PRELID2: variants seen among roughly 807,000 people sequenced by gnomAD.
PRELID2 encodes PRELI domain containing 2.
In PRELID2, 25 loss-of-function variants were observed where a neutral mutation model predicts 28.4. The observed-to-expected ratio is 0.88, with a 90% CI of 0.64 to 1.23. The LOEUF (loss-of-function observed/expected upper bound fraction) is 1.23. PRELID2 is among the 50% of genes most tolerant of loss of function. PRELID2 has a pLI of 0.00. For synonymous variants in PRELID2, 76 were observed against 71.6 expected, an observed-to-expected ratio of 1.06 and a Z score of -0.31; for missense variants, 201 against 214.4, an observed-to-expected ratio of 0.94 and a Z score of 0.39.
chr5:145,817,213 A>T (rs1418993622), intron 4 of PRELID2, among the ~76,000 whole-genome samples: 1 of 85,074 alleles, frequency 1.2e-5, no homozygotes, highest in Non-Finnish European at 2.8e-5. Context: ...ATAAATAAAT[A>T]AAAAAAAATA....
chr5:145,816,836 A>C (rs1424778555), intron 4 of PRELID2, among the ~76,000 whole-genome samples: 1 of 152,128 alleles, frequency 6.6e-6, no homozygotes, highest in African/African-American at 2.4e-5. Flanking sequence ...TATTGTATGC[A>C]AATAATATCT....
chr5:145,311,217 G>A, the PRELID2 span, among the ~76,000 whole-genome samples: 1 of 152,182 alleles, frequency 6.6e-6, no homozygotes, highest in Admixed American at 6.5e-5. Flanking sequence ...ACCTTTCCAT[G>A]CTACCATCTC....
chr5:145,416,068 A>G, the PRELID2 span, among the ~76,000 whole-genome samples: 2 of 152,176 alleles, frequency 1.3e-5, no homozygotes, highest in East Asian at 3.9e-4. Flanking sequence ...TTTTGGCTGC[A>G]TAAATGTCTT....
chr5:145,653,751 G>A, intron 1 of PRELID2, among the ~76,000 whole-genome samples: 1 of 152,198 alleles, frequency 6.6e-6, no homozygotes, highest in East Asian at 1.9e-4. Context: ...TCAAAGCAGT[G>A]TGTAGAGGGA....
At chr5:145,794,306 C>T (rs1043638677) in intron 5 of PRELID2, among the ~76,000 whole-genome samples, 2 of 152,200 alleles carry the variant, frequency 1.3e-5, no homozygotes, top group African/African-American at 4.8e-5. Flanking sequence ...CCCTTGTACA[C>T]TTAGAATGAG....
chr5:145,778,771 G>A (rs939193490), intron 5 of PRELID2, among the ~76,000 whole-genome samples: 4 of 152,188 alleles, frequency 2.6e-5, no homozygotes, highest in Non-Finnish European at 4.4e-5. Flanking sequence ...AAGCCAGGGC[G>A]GTAGTGTGAA....
chr5:145,250,813 G>A, the PRELID2 span, among the ~76,000 whole-genome samples: 45 of 152,162 alleles, frequency 3.0e-4, no homozygotes, highest in African/African-American at 8.7e-4. Flanking sequence ...ACAAACAAAC[G>A]AATGTTAATG....
intron 1 of PRELID2, among the ~76,000 whole-genome samples, chr5:145,478,712 A>G (rs1224900057): frequency 6.6e-6 from 1 of 152,158 alleles, no homozygotes; most frequent in Non-Finnish European, 1.5e-5. Flanking sequence ...TGACTGCTAT[A>G]AAGTTTAGAA....
the PRELID2 span, among the ~76,000 whole-genome samples, chr5:145,246,091 C>T: frequency 1.3e-5 from 2 of 151,846 alleles, no homozygotes; most frequent in South Asian, 2.1e-4. Context: ...TACACAAAAT[C>T]GAAGTGAAGA....
At chr5:145,691,519 C>CCCAGGTCTCTACTAAAAAT (rs1221105537) in intron 1 of PRELID2, among the ~76,000 whole-genome samples, 29 of 152,242 alleles carry the variant, frequency 1.9e-4, no homozygotes, top group Non-Finnish European at 1.8e-4. Flanking sequence ...TCCTGGGTAA[C>CCCAGGTCTCTACTAAAAAT]ACAGTGAAAC....
chr5:145,490,596 G>T (rs1185257495), intron 1 of PRELID2, among the ~76,000 whole-genome samples: 1 of 151,870 alleles, frequency 6.6e-6, no homozygotes, highest in Non-Finnish European at 1.5e-5. Flanking sequence ...AATGCTAAAG[G>T]GAAACATAAA....
At chr5:145,693,696 C>T (rs1054378157) in intron 1 of PRELID2, among the ~76,000 whole-genome samples, 5 of 152,130 alleles carry the variant, frequency 3.3e-5, no homozygotes, top group African/African-American at 1.2e-4. Context: ...ATGGCTTGAG[C>T]CCAAGAGTTT....
chr5:145,815,213 T>C (rs1006895362), intron 4 of PRELID2, among the ~76,000 whole-genome samples: 1 of 152,156 alleles, frequency 6.6e-6, no homozygotes, highest in African/African-American at 2.4e-5. Flanking sequence ...AAACCAAAAA[T>C]ATGGCCTTCA....
chr5:145,747,576 C>T (rs1040117337), intron 1 of PRELID2, among the ~76,000 whole-genome samples: 7 of 152,156 alleles, frequency 4.6e-5, no homozygotes, highest in Non-Finnish European at 1.0e-4. Context: ...GATTGATTCA[C>T]AGCCGAATTC....
At chr5:145,762,389 T>C (rs1450000427) in intron 6 of PRELID2, among the ~76,000 whole-genome samples, 2 of 150,564 alleles carry the variant, frequency 1.3e-5, no homozygotes, top group Non-Finnish European at 1.5e-5. Context: ...AGGAAAAAAT[T>C]AGCCAGGTGT....
At chr5:145,819,468 T>A in intron 3 of PRELID2, 1 of 1,164,784 alleles carries the variant, frequency 8.6e-7, no homozygotes, top group Non-Finnish European at 1.3e-6. Context: ...TCAATGATAT[T>A]ACTTTAGAGA....
At chr5:145,420,273 T>G in the PRELID2 span, among the ~76,000 whole-genome samples, 3 of 152,142 alleles carry the variant, frequency 2.0e-5, no homozygotes, top group African/African-American at 7.2e-5. Context: ...GTGAAGAAAG[T>G]CATTGGTAGC....
chr5:145,258,495 C>T, the PRELID2 span, among the ~76,000 whole-genome samples: 3 of 152,062 alleles, frequency 2.0e-5, no homozygotes, highest in South Asian at 2.1e-4. Context: ...TTTTATCATG[C>T]CTTAGCAAAC....
chr5:145,373,838 A>C, the PRELID2 span, among the ~76,000 whole-genome samples: 4 of 94,138 alleles, frequency 4.2e-5, no homozygotes, highest in African/African-American at 1.8e-4. Context: ...ATTACAACAT[A>C]TATAATATAT....
Sources: gnomAD v4.1 joint callset for allele counts (sites outside exome capture counted in the v4.1 genomes callset) on GRCh38, gnomAD v4.1.1 for gene constraint, MANE v1.5 for transcripts, NCBI Gene and HGNC (gene_info 2026-07-23, HGNC 2026-07-21) for gene names.